AFG2B: variants seen among roughly 807,000 people sequenced by gnomAD.
AFG2B encodes AAA ATPase AFG2B, also known as ATPase family gene 2 protein homolog B.
the AFG2B span, chr15:45,417,338 C>T: frequency 6.2e-7 from 1 of 1,614,042 alleles, no homozygotes; most frequent in Non-Finnish European, 8.5e-7. Context: ...GTGTTAGATA[C>T]TGCTTTGTTA....
At chr15:45,413,405 G>A in the AFG2B span, among the ~76,000 whole-genome samples, 1 of 152,176 alleles carries the variant, frequency 6.6e-6, no homozygotes, top group Non-Finnish European at 1.5e-5. Context: ...AAAAAGTTCA[G>A]CTAGTCAGCT....
the AFG2B span, chr15:45,414,528 A>G: frequency 1.3e-6 from 2 of 1,565,384 alleles, no homozygotes; most frequent in East Asian, 2.2e-5. Context: ...ATGACATTTT[A>G]TTATTATACT....
At chr15:45,417,309 A>G in the AFG2B span, 2 of 1,614,116 alleles carry the variant, frequency 1.2e-6, no homozygotes, top group African/African-American at 2.7e-5. Flanking sequence ...TGATTATTGC[A>G]GCAACAAATA....
At chr15:45,405,047 A>C in the AFG2B span, among the ~76,000 whole-genome samples, 1 of 152,114 alleles carries the variant, frequency 6.6e-6, no homozygotes, top group African/African-American at 2.4e-5. Context: ...GGAATATTTC[A>C]GATTCTCTCT....
chr15:45,413,887 T>C, the AFG2B span, among the ~76,000 whole-genome samples: 1 of 152,090 alleles, frequency 6.6e-6, no homozygotes, highest in Non-Finnish European at 1.5e-5. Flanking sequence ...ATCTGTAAAA[T>C]AATGATTAAA....
At chr15:45,407,979 C>T in the AFG2B span, among the ~76,000 whole-genome samples, 1 of 152,146 alleles carries the variant, frequency 6.6e-6, no homozygotes, top group Non-Finnish European at 1.5e-5. Flanking sequence ...AGATTATTTG[C>T]TGAGTTGACC....
At chr15:45,411,381 C>T in the AFG2B span, among the ~76,000 whole-genome samples, 2 of 152,184 alleles carry the variant, frequency 1.3e-5, no homozygotes, top group Non-Finnish European at 2.9e-5. Flanking sequence ...GTGTCACAAA[C>T]ACAGCTCACT....
At chr15:45,404,958 A>G in the AFG2B span, among the ~76,000 whole-genome samples, 1 of 152,154 alleles carries the variant, frequency 6.6e-6, no homozygotes, top group Non-Finnish European at 1.5e-5. Context: ...TGGTACATGC[A>G]TACAATTTGT....
At chr15:45,408,074 A>G in the AFG2B span, among the ~76,000 whole-genome samples, 2 of 152,236 alleles carry the variant, frequency 1.3e-5, no homozygotes. Flanking sequence ...GGAATGAACA[A>G]ATCTTACAAA....
chr15:45,407,468 A>G, the AFG2B span, among the ~76,000 whole-genome samples: 3 of 152,256 alleles, frequency 2.0e-5, no homozygotes, highest in East Asian at 1.9e-4. Context: ...AGATTTTCAA[A>G]TATTAGTTCG....
chr15:45,402,685 G>A, the AFG2B span: 1 of 1,573,208 alleles, frequency 6.4e-7, no homozygotes, highest in Non-Finnish European at 8.6e-7. Context: ...GGCGGCGGTC[G>A]GGGCGTCGAG....
the AFG2B span, among the ~76,000 whole-genome samples, chr15:45,404,453 C>T: frequency 6.6e-6 from 1 of 151,730 alleles, no homozygotes; most frequent in Non-Finnish European, 1.5e-5. Context: ...GTAAAGTGCA[C>T]GGTACTAGTT....
At chr15:45,417,503 C>T in the AFG2B span, 1 of 1,244,150 alleles carries the variant, frequency 8.0e-7, no homozygotes, top group African/African-American at 1.5e-5. Flanking sequence ...CGCCTTCTTC[C>T]TTGCCTGGTG....
chr15:45,405,924 T>C, the AFG2B span, among the ~76,000 whole-genome samples: 1 of 152,136 alleles, frequency 6.6e-6, no homozygotes, highest in Non-Finnish European at 1.5e-5. Flanking sequence ...CCACATTTGC[T>C]TTATCATTCT....
the AFG2B span, chr15:45,405,402 T>C: frequency 1.9e-6 from 3 of 1,614,204 alleles, no homozygotes; most frequent in Non-Finnish European, 2.5e-6. Context: ...TCCAGTCATG[T>C]TGATTTGGGC....
the AFG2B span, among the ~76,000 whole-genome samples, chr15:45,411,799 A>G: frequency 5.3e-5 from 8 of 152,184 alleles, no homozygotes; most frequent in Non-Finnish European, 1.0e-4. Flanking sequence ...TTAAAAAAAA[A>G]TTAAAAAACA....
chr15:45,403,664 C>T, the AFG2B span: 3 of 1,006,978 alleles, frequency 3.0e-6, no homozygotes, highest in African/African-American at 3.4e-5. Flanking sequence ...AGAACACGTT[C>T]TCTGCCGATA....
the AFG2B span, chr15:45,418,688 T>C: frequency 6.3e-7 from 1 of 1,597,142 alleles, no homozygotes; most frequent in Non-Finnish European, 8.5e-7. Context: ...CAGAAGTAAG[T>C]TAATTATTGA....
chr15:45,402,607 A>G, the AFG2B span: 4 of 1,575,348 alleles, frequency 2.5e-6, no homozygotes, highest in African/African-American at 1.4e-5. Context: ...CTGCCTCTGC[A>G]CTGCCTGGCC....
Sources: allele counts gnomAD v4.1 joint callset (sites outside exome capture counted in the v4.1 genomes callset), GRCh38; gene constraint gnomAD v4.1.1; transcripts MANE v1.5; gene names NCBI Gene and HGNC (gene_info 2026-07-23, HGNC 2026-07-21).